Variants in ALK observed in about 807,000 individuals in gnomAD.
ALK encodes ALK receptor tyrosine kinase, also known as ALK tyrosine kinase receptor.
A neutral mutation model predicts 163.1 loss-of-function variants in ALK; 74 were observed. The ratio of observed to expected loss-of-function variants is 0.45; its 90% CI spans 0.38 to 0.55. The LOEUF (loss-of-function observed/expected upper bound fraction) is 0.55. ALK is among the 20% of genes least tolerant of loss of function. The probability of loss-of-function intolerance (pLI) is 0.00; values close to 1 mark genes in which losing one functional copy is unlikely to be tolerated. For missense variants in ALK, 2,063 were observed against 2,105.3 expected (o/e 0.98, Z 0.39); for synonymous variants, 960 against 843.2 (o/e 1.14, Z -2.40).
At chr2:29,891,592 A>G (rs1257758707) in intron 1 of ALK, among the ~76,000 whole-genome samples, 1 of 152,222 alleles carries the variant, frequency 6.6e-6, no homozygotes, top group African/African-American at 2.4e-5. Context: ...TCTGAGGCCC[A>G]TAAAGTAGAA....
intron 11 of ALK, among the ~76,000 whole-genome samples, chr2:29,261,970 T>C (rs1665099381): frequency 1.3e-5 from 2 of 152,200 alleles, no homozygotes; most frequent in African/African-American, 4.8e-5. Flanking sequence ...GTGGAAGGTA[T>C]TGGAAGTCTA....
chr2:29,463,513 G>T (rs1671135627), intron 4 of ALK, among the ~76,000 whole-genome samples: 1 of 152,174 alleles, frequency 6.6e-6, no homozygotes, highest in South Asian at 2.1e-4. Context: ...TAGAAAAAAT[G>T]GTGGGTTTCA....
At position 29,775,372 on chromosome 2, in the gene ALK, T is replaced by C. The variant is rs150607720; in HGVS notation, c.668-57675A>G. ...ACACCTGACAGTCTTGTTATTTTGCTAACCAAAGGAATTGGAGATTGTCAT... is the reference window on the plus strand; with the variant it reads ...ACACCTGACAGTCTTGTTATTTTGCCAACCAAAGGAATTGGAGATTGTCAT... On this transcript the variant is annotated intron_variant, in intron 1 of 28. Transcript: ENST00000389048. Among the ~76,000 whole-genome samples, 522 of 152,280 alleles carry C rather than the reference T, an allele frequency of 3.4e-3. 5 individuals carry two copies. Among genetic ancestry groups the C allele is most frequent in the African/African-American group, 0.012 (501 of 41,564 alleles).
chr2:29,873,425 C>G (rs72794309), intron 1 of ALK, among the ~76,000 whole-genome samples: 1 of 152,032 alleles, frequency 6.6e-6, no homozygotes, highest in South Asian at 2.1e-4. Flanking sequence ...GGGGCAGAAC[C>G]AGAGTGCTGG....
intron 3 of ALK, among the ~76,000 whole-genome samples, chr2:29,676,297 T>C (rs1182158067): frequency 6.6e-6 from 1 of 152,092 alleles, no homozygotes; most frequent in Non-Finnish European, 1.5e-5. Flanking sequence ...AGATGTTCTG[T>C]CATTTTCATT....
At chr2:29,229,368 G>A (rs933932321) in intron 15 of ALK, among the ~76,000 whole-genome samples, 1 of 152,178 alleles carries the variant, frequency 6.6e-6, no homozygotes, top group African/African-American at 2.4e-5. Flanking sequence ...TAAGGATGGG[G>A]GGACGTGGGC....
intron 4 of ALK, among the ~76,000 whole-genome samples, chr2:29,513,660 A>G (rs979463013): frequency 2.0e-5 from 3 of 151,736 alleles, no homozygotes; most frequent in Non-Finnish European, 4.4e-5. Context: ...GGATCTAATT[A>G]AACTAAACAG....
intron 4 of ALK, among the ~76,000 whole-genome samples, chr2:29,412,853 T>C (rs1022159847): frequency 2.6e-5 from 4 of 152,252 alleles, no homozygotes; most frequent in African/African-American, 9.6e-5. Flanking sequence ...CACTTCTGTA[T>C]CTGGTCTTTA....
chr2:29,239,653 C>G (rs370588036), intron 13 of ALK, 27 bp downstream of exon 13: 8 of 1,612,742 alleles, frequency 5.0e-6, no homozygotes, highest in Non-Finnish European at 6.8e-6. Flanking sequence ...AGAGTGCAGA[C>G]GAGAAACCCC....
chr2:29,249,579 T>C (rs550348001), intron 12 of ALK, among the ~76,000 whole-genome samples: 25 of 152,256 alleles, frequency 1.6e-4, no homozygotes, highest in Admixed American at 1.6e-3. Context: ...CCCAGCTCCA[T>C]CACTGATTGT....
At chr2:29,781,081 G>C (rs1408808120) in intron 1 of ALK, among the ~76,000 whole-genome samples, 1 of 152,162 alleles carries the variant, frequency 6.6e-6, no homozygotes, top group Admixed American at 6.5e-5. Context: ...AGAATAAACA[G>C]AACAAAGATG....
chr2:29,198,597 G>T (rs921507894), intron 26 of ALK, among the ~76,000 whole-genome samples: 1 of 152,112 alleles, frequency 6.6e-6, no homozygotes, highest in African/African-American at 2.4e-5. Flanking sequence ...CAAATTCTTG[G>T]TGCATATTAT....
At chr2:29,623,148 T>C (rs908167613) in intron 3 of ALK, among the ~76,000 whole-genome samples, 3 of 152,238 alleles carry the variant, frequency 2.0e-5, no homozygotes, top group Admixed American at 2.0e-4. Context: ...TGGAAAGCCA[T>C]TGGCAAGGTG....
chr2:29,819,149 C>T (rs151150188), intron 1 of ALK, among the ~76,000 whole-genome samples: 1 of 152,314 alleles, frequency 6.6e-6, no homozygotes, highest in Non-Finnish European at 1.5e-5. Context: ...AGCCTCCAAC[C>T]AGAACCTATT....
At chr2:29,363,594 G>T (rs1337354100) in intron 5 of ALK, among the ~76,000 whole-genome samples, 1 of 152,206 alleles carries the variant, frequency 6.6e-6, no homozygotes, top group Non-Finnish European at 1.5e-5. Flanking sequence ...GACTGTAGTT[G>T]TCTTGGCATG....
chr2:29,734,068 A>C (rs144200048), intron 1 of ALK, among the ~76,000 whole-genome samples: 1 of 152,182 alleles, frequency 6.6e-6, no homozygotes, highest in Admixed American at 6.5e-5. Context: ...TGAGGCATGG[A>C]AAAACAAGTT....
At chr2:29,540,250 T>G (rs3634) in intron 3 of ALK, among the ~76,000 whole-genome samples, 17 of 152,100 alleles carry the variant, frequency 1.1e-4, no homozygotes, top group Non-Finnish European at 1.5e-4. Flanking sequence ...GATGTCACTT[T>G]CTGACAGGCC....
chr2:29,372,371 C>T (rs916038931), intron 5 of ALK, among the ~76,000 whole-genome samples: 1 of 152,202 alleles, frequency 6.6e-6, no homozygotes, highest in African/African-American at 2.4e-5. Flanking sequence ...CTTCACCGAT[C>T]CTGAGTTGTA....
At chr2:29,651,960 A>G (rs1677049997) in intron 3 of ALK, among the ~76,000 whole-genome samples, 1 of 152,124 alleles carries the variant, frequency 6.6e-6, no homozygotes, top group South Asian at 2.1e-4. Context: ...AGTGTACAGG[A>G]TGCTATGGGC....
Sources: allele counts gnomAD v4.1 joint callset (sites outside exome capture counted in the v4.1 genomes callset), GRCh38; gene constraint gnomAD v4.1.1; transcripts MANE v1.5; gene names NCBI Gene and HGNC (gene_info 2026-07-23, HGNC 2026-07-21).